GALNT13: variants seen among roughly 807,000 people sequenced by gnomAD.
The protein encoded by GALNT13 is UDP-GalNAc:polypeptide N-acetylgalactosaminyltransferase 13.
A neutral mutation model predicts 64.2 loss-of-function variants in GALNT13; 28 were observed. That is an observed-to-expected ratio of 0.44 (90% CI 0.32 to 0.60). The LOEUF (loss-of-function observed/expected upper bound fraction) is 0.60. Among genes scored for constraint, GALNT13 ranks in the 20% least tolerant of loss-of-function variants. The pLI, the probability that GALNT13 is intolerant of heterozygous loss-of-function variation, is 0.05. For missense variants in GALNT13, 577 were observed against 669.8 expected (o/e 0.86, Z 1.53); for synonymous variants, 214 against 224.6 (o/e 0.95, Z 0.42).
At chr2:153,703,780 CATAG>C in the GALNT13 span, among the ~76,000 whole-genome samples, 1 of 152,136 alleles carries the variant, frequency 6.6e-6, no homozygotes, top group African/African-American at 2.4e-5. Context: ...AAAAATAGCT[CATAG>C]ATAGCAGAAT....
Position 153,983,653 on chromosome 2 carries a change from C to T in GALNT13, c.142+39014C>T, listed in dbSNP as rs957032775. On this transcript the variant is annotated intron_variant, in intron 3 of 12. Transcript: ENST00000392825. ...AAAAATGAAAAATTAAAATGAGATT[C>T]CATTTGCATAATAAAGTAGTGACAA... 3.9e-5 allele frequency among the ~76,000 whole-genome samples: 6 copies of T among 152,022 alleles called. No homozygotes were observed. In the East Asian group the frequency reaches 1.2e-3, roughly 29 times the overall value.
chr2:154,015,876 C>T (rs1696969989), intron 3 of GALNT13, among the ~76,000 whole-genome samples: 1 of 152,070 alleles, frequency 6.6e-6, no homozygotes, highest in Admixed American at 6.6e-5. Context: ...TAATATTTTA[C>T]ATAACTAAGA....
the GALNT13 span, among the ~76,000 whole-genome samples, chr2:153,852,318 A>C: frequency 6.6e-6 from 1 of 152,284 alleles, no homozygotes; most frequent in East Asian, 1.9e-4. Context: ...CAATCAAAAG[A>C]AGCCTACATT....
the GALNT13 span, among the ~76,000 whole-genome samples, chr2:153,260,464 G>T: frequency 6.6e-6 from 1 of 152,076 alleles, no homozygotes; most frequent in Non-Finnish European, 1.5e-5. Flanking sequence ...TATGTTCACT[G>T]GATATACTAT....
At chr2:154,199,693 T>TAAAACA (rs1188653740) in intron 4 of GALNT13, among the ~76,000 whole-genome samples, 1 of 152,062 alleles carries the variant, frequency 6.6e-6, no homozygotes, top group African/African-American at 2.4e-5. Flanking sequence ...CTTATAATTA[T>TAAAACA]GTCATAAAAT....
the GALNT13 span, among the ~76,000 whole-genome samples, chr2:153,192,499 G>A: frequency 6.6e-6 from 1 of 152,054 alleles, no homozygotes; most frequent in African/African-American, 2.4e-5. Context: ...TTCTGTAAAT[G>A]TTTGTTAGGG....
intron 3 of GALNT13, among the ~76,000 whole-genome samples, chr2:154,073,804 A>T (rs1382417054): frequency 6.6e-6 from 1 of 151,882 alleles, no homozygotes; most frequent in Non-Finnish European, 1.5e-5. Flanking sequence ...AATTATCTGA[A>T]AAATCTGCCA....
the GALNT13 span, among the ~76,000 whole-genome samples, chr2:153,093,170 C>T: frequency 6.6e-6 from 1 of 151,810 alleles, no homozygotes; most frequent in African/African-American, 2.4e-5. Flanking sequence ...CATGTGTTGA[C>T]CCATCCTTGT....
chr2:153,733,666 G>A, the GALNT13 span, among the ~76,000 whole-genome samples: 3 of 152,112 alleles, frequency 2.0e-5, no homozygotes, highest in South Asian at 2.1e-4. Context: ...CTTCCTCTCC[G>A]TGTAAGGCAT....
the GALNT13 span, among the ~76,000 whole-genome samples, chr2:153,803,426 CTT>C: frequency 8.5e-5 from 13 of 152,132 alleles, no homozygotes; most frequent in African/African-American, 2.9e-4. Flanking sequence ...GGCGCGGTGT[CTT>C]ATGCCTGTAA....
intron 3 of GALNT13, among the ~76,000 whole-genome samples, chr2:154,095,511 A>G (rs1702029628): frequency 6.6e-6 from 1 of 151,982 alleles, no homozygotes; most frequent in Non-Finnish European, 1.5e-5. Flanking sequence ...AAAATTGCCA[A>G]TAACAAGCTA....
chr2:153,182,107 G>A, the GALNT13 span, among the ~76,000 whole-genome samples: 4 of 151,354 alleles, frequency 2.6e-5, no homozygotes, highest in African/African-American at 9.7e-5. Flanking sequence ...GCAGTGGCAT[G>A]ATTTCAGCTC....
intron 4 of GALNT13, among the ~76,000 whole-genome samples, chr2:154,190,453 G>T (rs917313663): frequency 6.6e-6 from 1 of 152,190 alleles, no homozygotes; most frequent in Non-Finnish European, 1.5e-5. Flanking sequence ...CAAATGGAAA[G>T]TATATTGTTT....
the GALNT13 span, among the ~76,000 whole-genome samples, chr2:153,621,774 T>G: frequency 6.6e-6 from 1 of 152,072 alleles, no homozygotes; most frequent in African/African-American, 2.4e-5. Context: ...GCCAGTGTTA[T>G]GACCCAAGCT....
intron 12 of GALNT13, among the ~76,000 whole-genome samples, chr2:154,448,891 A>G (rs1701730458): frequency 1.3e-5 from 2 of 152,058 alleles, no homozygotes; most frequent in Non-Finnish European, 2.9e-5. Context: ...GGGATCTAAT[A>G]GAAGTATGCA....
At chr2:153,614,175 C>T in the GALNT13 span, among the ~76,000 whole-genome samples, 19 of 151,794 alleles carry the variant, frequency 1.3e-4, no homozygotes, top group African/African-American at 4.6e-4. Context: ...TCTAGGAATA[C>T]TCTAGGGATT....
chr2:153,309,129 G>T, the GALNT13 span, among the ~76,000 whole-genome samples: 2 of 152,182 alleles, frequency 1.3e-5, no homozygotes, highest in South Asian at 4.2e-4. Context: ...TTGGTATTCT[G>T]AAGCTATTAT....
At chr2:153,884,805 A>ATGTGTGTGTG (rs1365077072) in intron 1 of GALNT13, among the ~76,000 whole-genome samples, 11 of 133,642 alleles carry the variant, frequency 8.2e-5, no homozygotes, top group African/African-American at 3.3e-4. Context: ...ATATATATAT[A>ATGTGTGTGTG]TGTGTGTGTG....
intron 3 of GALNT13, among the ~76,000 whole-genome samples, chr2:153,948,595 G>T (rs1691943110): frequency 6.6e-6 from 1 of 152,064 alleles, no homozygotes; most frequent in Non-Finnish European, 1.5e-5. Context: ...GCAAAGACAT[G>T]GAGTCAACCT....
Sources: gnomAD v4.1 joint callset for allele counts (sites outside exome capture counted in the v4.1 genomes callset) on GRCh38, gnomAD v4.1.1 for gene constraint, MANE v1.5 for transcripts, NCBI Gene and HGNC (gene_info 2026-07-23, HGNC 2026-07-21) for gene names.